Variants in CACNA2D1 observed in about 807,000 individuals in gnomAD.
CACNA2D1 encodes the protein voltage-dependent calcium channel subunit alpha-2/delta-1.
In CACNA2D1, 53 loss-of-function variants were observed where a neutral mutation model predicts 171.5. That is an observed-to-expected ratio of 0.31 (90% CI 0.25 to 0.39). The LOEUF (loss-of-function observed/expected upper bound fraction) is 0.39, where lower values mean the gene tolerates loss of function less well. CACNA2D1 is among the 10% of genes least tolerant of loss of function. The pLI is 1.00. For synonymous variants in CACNA2D1, 442 were observed against 443.1 expected (o/e 1.00, Z 0.03); for missense variants, 903 against 1,299.8 (o/e 0.69, Z 4.69).
intron 5 of CACNA2D1, among the ~76,000 whole-genome samples, chr7:82,130,696 C>G (rs1790851426): frequency 6.6e-6 from 1 of 151,248 alleles, no homozygotes; most frequent in Non-Finnish European, 1.5e-5. Flanking sequence ...ATAACCAGAG[C>G]CTCAGGATTT....
chr7:82,234,309 T>G (rs1479930475), intron 3 of CACNA2D1, among the ~76,000 whole-genome samples: 1 of 152,114 alleles, frequency 6.6e-6, no homozygotes, highest in Non-Finnish European at 1.5e-5. Flanking sequence ...TTAATAGGTT[T>G]TAAATATTAG....
intron 7 of CACNA2D1, among the ~76,000 whole-genome samples, chr7:82,079,805 G>C (rs906637155): frequency 6.6e-6 from 1 of 151,834 alleles, no homozygotes; most frequent in Non-Finnish European, 1.5e-5. Context: ...GTCAAAGGAC[G>C]CATAATTACA....
chr7:82,037,183 G>A (rs1803381130), intron 11 of CACNA2D1, among the ~76,000 whole-genome samples: 1 of 152,144 alleles, frequency 6.6e-6, no homozygotes, highest in Non-Finnish European at 1.5e-5. Flanking sequence ...CACAGTATGA[G>A]ACACACACTA....
chr7:82,285,510 T>TA lies in CACNA2D1; in HGVS notation c.294+49624dup, dbSNP rs373502623. Among the ~76,000 whole-genome samples the TA allele has an allele frequency of 4.6e-3, 701 of 152,220 alleles. 10 individuals are homozygous for TA. Among genetic ancestry groups the TA allele is most frequent in the African/African-American group, 0.016 (673 of 41,530 alleles). Reference sequence around the variant, plus strand: ...TCTTAAATGAAGTACGTAACTGTTATAAAAAAAGTAAATGCTGAGCAGGGG... The same window carrying TA: ...TCTTAAATGAAGTACGTAACTGTTATAAAAAAAAGTAAATGCTGAGCAGGGG... On this transcript the variant is annotated intron_variant, in intron 3 of 38. Transcript: ENST00000356860.
At chr7:82,007,541 C>A in intron 16 of CACNA2D1, 138 bp downstream of exon 16, 1 of 618,032 alleles carries the variant, frequency 1.6e-6, no homozygotes, top group South Asian at 2.0e-5. Flanking sequence ...ATCGCATAGG[C>A]AGCTGTTGCC....
At chr7:82,318,680 C>T (rs1292536971) in intron 3 of CACNA2D1, among the ~76,000 whole-genome samples, 2 of 152,184 alleles carry the variant, frequency 1.3e-5, no homozygotes, top group Admixed American at 6.5e-5. Flanking sequence ...TTCTATACCA[C>T]ATCTGATGTA....
At chr7:82,101,223 A>G (rs1010678870) in intron 6 of CACNA2D1, among the ~76,000 whole-genome samples, 4 of 152,188 alleles carry the variant, frequency 2.6e-5, no homozygotes, top group Admixed American at 6.5e-5. Flanking sequence ...CAGAATTTGA[A>G]GTTTGGAACC....
chr7:82,128,716 G>A (rs552345691), intron 5 of CACNA2D1, among the ~76,000 whole-genome samples: 2 of 152,160 alleles, frequency 1.3e-5, no homozygotes, highest in Admixed American at 1.3e-4. Flanking sequence ...TCCAAATTTT[G>A]TCCTGATGCC....
intron 3 of CACNA2D1, among the ~76,000 whole-genome samples, chr7:82,316,986 T>C (rs1815204279): frequency 6.6e-6 from 1 of 152,146 alleles, no homozygotes; most frequent in Non-Finnish European, 1.5e-5. Context: ...TCAATCTGAT[T>C]CAGTAATACA....
chr7:82,248,092 T>G (rs1207234007), intron 3 of CACNA2D1, among the ~76,000 whole-genome samples: 1 of 152,228 alleles, frequency 6.6e-6, no homozygotes, highest in Admixed American at 6.5e-5. Flanking sequence ...GCTCCAGTGG[T>G]AACTCTACTG....
chr7:82,337,559 T>G (rs773171148), intron 2 of CACNA2D1, among the ~76,000 whole-genome samples: 47 of 152,186 alleles, frequency 3.1e-4, no homozygotes, highest in Non-Finnish European at 6.3e-4. Flanking sequence ...TATCTTGAGG[T>G]ATCTTTTCCT....
At chr7:82,429,505 C>A (rs1256449536) in intron 1 of CACNA2D1, among the ~76,000 whole-genome samples, 2 of 152,054 alleles carry the variant, frequency 1.3e-5, no homozygotes, top group Non-Finnish European at 2.9e-5. Flanking sequence ...TGTGGAAAAA[C>A]CCAAAAGCGG....
chr7:82,225,579 A>G (rs1402002313), intron 3 of CACNA2D1, among the ~76,000 whole-genome samples: 2 of 152,236 alleles, frequency 1.3e-5, no homozygotes, highest in African/African-American at 4.8e-5. Context: ...AGCCTATTCA[A>G]TAGAATTGGC....
At chr7:82,317,762 C>A (rs1815295853) in intron 3 of CACNA2D1, among the ~76,000 whole-genome samples, 1 of 151,952 alleles carries the variant, frequency 6.6e-6, no homozygotes, top group East Asian at 1.9e-4. Context: ...CATTTGGCGT[C>A]ATTTAAATTA....
intron 1 of CACNA2D1, among the ~76,000 whole-genome samples, chr7:82,415,320 G>A (rs1828061426): frequency 6.6e-6 from 1 of 152,080 alleles, no homozygotes; most frequent in Non-Finnish European, 1.5e-5. Context: ...GATCACCTGA[G>A]GTCAGGAGTT....
intron 10 of CACNA2D1, among the ~76,000 whole-genome samples, chr7:82,051,655 T>A (rs1805210566): frequency 6.6e-6 from 1 of 152,184 alleles, no homozygotes; most frequent in African/African-American, 2.4e-5. Context: ...ACTTTTAGCA[T>A]ATTGTCTGCA....
chr7:82,169,857 T>G (rs1363068979), intron 4 of CACNA2D1, among the ~76,000 whole-genome samples: 1 of 151,940 alleles, frequency 6.6e-6, no homozygotes, highest in Non-Finnish European at 1.5e-5. Context: ...AAGGAATTTT[T>G]TTTTTTTTAC....
At chr7:82,261,073 G>T (rs761156684) in intron 3 of CACNA2D1, among the ~76,000 whole-genome samples, 69 of 151,962 alleles carry the variant, frequency 4.5e-4, no homozygotes, top group Middle Eastern at 3.4e-3. Context: ...TCATGCCTCA[G>T]CCTCCCAAGT....
At chr7:81,985,087 C>T (rs940110125) in intron 21 of CACNA2D1, among the ~76,000 whole-genome samples, 1 of 151,072 alleles carries the variant, frequency 6.6e-6, no homozygotes, top group African/African-American at 2.4e-5. Context: ...AAGGTAAATA[C>T]ATAATACCAT....
Sources: allele counts gnomAD v4.1 joint callset (sites outside exome capture counted in the v4.1 genomes callset), GRCh38; gene constraint gnomAD v4.1.1; transcripts MANE v1.5; gene names NCBI Gene and HGNC (gene_info 2026-07-23, HGNC 2026-07-21).